Variants in DYNC1I1 observed in about 807,000 individuals in gnomAD.
DYNC1I1 encodes cytoplasmic dynein 1 intermediate chain 1.
A neutral mutation model predicts 86.6 loss-of-function variants in DYNC1I1; 43 were observed. The ratio of observed to expected loss-of-function variants is 0.50; its 90% CI spans 0.39 to 0.64. The LOEUF (loss-of-function observed/expected upper bound fraction) is 0.64. Ranked by LOEUF, DYNC1I1 falls within the 30% of genes least tolerant of loss-of-function variation. DYNC1I1 has a pLI of 0.00. For synonymous variants in DYNC1I1, 262 were observed against 283.7 expected (o/e 0.92, Z 0.77); for missense variants, 604 against 788.8 (o/e 0.77, Z 2.81).
chr7:95,968,217 G>C (rs533115213), intron 6 of DYNC1I1, among the ~76,000 whole-genome samples: 15 of 151,936 alleles, frequency 9.9e-5, no homozygotes, highest in African/African-American at 3.1e-4. Flanking sequence ...GAAATGGAGA[G>C]AATAAAGGGA....
At chr7:96,028,814 A>G (rs1234174583) in intron 11 of DYNC1I1, among the ~76,000 whole-genome samples, 2 of 152,218 alleles carry the variant, frequency 1.3e-5, no homozygotes, top group Non-Finnish European at 2.9e-5. Flanking sequence ...TACAGTGACA[A>G]TATAATCCCT....
chr7:95,793,702 T>G (rs928482459), intron 1 of DYNC1I1, among the ~76,000 whole-genome samples: 3 of 152,212 alleles, frequency 2.0e-5, no homozygotes, highest in Non-Finnish European at 2.9e-5. Flanking sequence ...GAATTTGTGT[T>G]TTATGCCAGT....
At chr7:95,873,257 C>T (rs1790220391) in intron 6 of DYNC1I1, among the ~76,000 whole-genome samples, 1 of 152,158 alleles carries the variant, frequency 6.6e-6, no homozygotes, top group Non-Finnish European at 1.5e-5. Flanking sequence ...AAAATCTAAG[C>T]ACTTCTTCTG....
intron 5 of DYNC1I1, among the ~76,000 whole-genome samples, chr7:95,848,272 A>C (rs1789488295): frequency 6.6e-6 from 1 of 151,482 alleles, no homozygotes; most frequent in Non-Finnish European, 1.5e-5. Context: ...GTAAGTTCAG[A>C]AACATCTGTA....
intron 1 of DYNC1I1, among the ~76,000 whole-genome samples, chr7:95,773,517 C>T (rs1294743155): frequency 6.6e-6 from 1 of 152,058 alleles, no homozygotes; most frequent in African/African-American, 2.4e-5. Context: ...ATGACTTGTA[C>T]CTTGGCTAAT....
intron 14 of DYNC1I1, among the ~76,000 whole-genome samples, chr7:96,043,167 C>CAAAAAAAA (rs111888029): frequency 3.2e-5 from 2 of 63,366 alleles, no homozygotes; most frequent in Non-Finnish European, 7.0e-5. Flanking sequence ...GACTCCATCT[C>CAAAAAAAA]AAAAAAAAAA....
chr7:95,889,044 T>C (rs1262941035), intron 6 of DYNC1I1, among the ~76,000 whole-genome samples: 1 of 152,122 alleles, frequency 6.6e-6, no homozygotes, highest in African/African-American at 2.4e-5. Flanking sequence ...TTGACCTGAA[T>C]AAATTGAAAT....
chr7:95,953,093 G>A (rs937682332), intron 6 of DYNC1I1, among the ~76,000 whole-genome samples: 2 of 148,258 alleles, frequency 1.3e-5, no homozygotes, highest in African/African-American at 5.0e-5. Context: ...TGTTTCTTTT[G>A]TATCTCGTAT....
At chr7:95,889,814 A>T (rs976549311) in intron 6 of DYNC1I1, among the ~76,000 whole-genome samples, 1 of 152,240 alleles carries the variant, frequency 6.6e-6, no homozygotes, top group East Asian at 1.9e-4. Flanking sequence ...AAAAGAAGAC[A>T]TACATGTGGC....
intron 9 of DYNC1I1, among the ~76,000 whole-genome samples, chr7:95,991,173 C>T (rs1793721425): frequency 6.6e-6 from 1 of 152,188 alleles, no homozygotes. Context: ...CAAAGTGTGA[C>T]TTCTATTGTC....
At chr7:95,784,560 G>C (rs1794078920) in intron 1 of DYNC1I1, among the ~76,000 whole-genome samples, 1 of 152,324 alleles carries the variant, frequency 6.6e-6, no homozygotes, top group South Asian at 2.1e-4. Flanking sequence ...CTTGTGGGCT[G>C]TAAACTGGTG....
At chr7:96,013,326 C>T (rs1374991790) in intron 10 of DYNC1I1, among the ~76,000 whole-genome samples, 1 of 152,280 alleles carries the variant, frequency 6.6e-6, no homozygotes, top group East Asian at 1.9e-4. Flanking sequence ...AATTGATTCT[C>T]CCCTTTACCC....
chr7:95,989,481 A>G (rs1793676716), intron 9 of DYNC1I1, among the ~76,000 whole-genome samples: 1 of 152,186 alleles, frequency 6.6e-6, no homozygotes, highest in Admixed American at 6.5e-5. Flanking sequence ...CAGCTTGTTC[A>G]CTTGTTCAGA....
chr7:96,027,746 T>A (rs1223633879), intron 10 of DYNC1I1, among the ~76,000 whole-genome samples: 1 of 152,156 alleles, frequency 6.6e-6, no homozygotes, highest in South Asian at 2.1e-4. Context: ...TTACCAACAC[T>A]GCAAATTGTG....
intron 16 of DYNC1I1, among the ~76,000 whole-genome samples, chr7:96,086,134 G>C (rs941887265): frequency 6.6e-6 from 1 of 152,102 alleles, no homozygotes; most frequent in African/African-American, 2.4e-5. Context: ...TTGCAGATGT[G>C]TTTTATAGAA....
At chr7:96,005,741 G>C (rs780656188) in intron 10 of DYNC1I1, among the ~76,000 whole-genome samples, 1 of 152,144 alleles carries the variant, frequency 6.6e-6, no homozygotes, top group Non-Finnish European at 1.5e-5. Context: ...CTGGAAGAAC[G>C]CTCACTCAAG....
intron 6 of DYNC1I1, among the ~76,000 whole-genome samples, chr7:95,921,468 C>G (rs1178714513): frequency 6.6e-6 from 1 of 152,214 alleles, no homozygotes; most frequent in Non-Finnish European, 1.5e-5. Context: ...AAGTCTAGCT[C>G]TTTCCACAGT....
At chr7:95,811,765 A>G (rs1013611177) in intron 3 of DYNC1I1, among the ~76,000 whole-genome samples, 3 of 152,080 alleles carry the variant, frequency 2.0e-5, no homozygotes, top group Admixed American at 2.0e-4. Flanking sequence ...CTTCTTTTCT[A>G]CTTAGGAGCT....
intron 6 of DYNC1I1, among the ~76,000 whole-genome samples, chr7:95,914,571 C>G (rs891500166): frequency 2.0e-5 from 3 of 152,060 alleles, no homozygotes; most frequent in Non-Finnish European, 4.4e-5. Flanking sequence ...CTTTATTTCC[C>G]CATCTGCAAG....
Sources: allele counts gnomAD v4.1 joint callset (sites outside exome capture counted in the v4.1 genomes callset), GRCh38; gene constraint gnomAD v4.1.1; transcripts MANE v1.5; gene names NCBI Gene and HGNC (gene_info 2026-07-23, HGNC 2026-07-21).